The following TRAPPC3 variants were observed in gnomAD, a reference collection of about 807,000 sequenced individuals.
TRAPPC3 encodes trafficking protein particle complex subunit 3.
TRAPPC3 carries 5 observed loss-of-function variants against 18.2 expected under a neutral mutation model. That is an observed-to-expected ratio of 0.28 (90% CI 0.14 to 0.58). The LOEUF (loss-of-function observed/expected upper bound fraction) is 0.58, where lower values mean the gene tolerates loss of function less well. Among genes scored for constraint, TRAPPC3 ranks in the 20% least tolerant of loss-of-function variants. The pLI, the probability that TRAPPC3 is intolerant of heterozygous loss-of-function variation, is 0.91. For missense variants in TRAPPC3, 176 were observed against 225.9 expected, an observed-to-expected ratio of 0.78 and a Z score of 1.41; for synonymous variants, 65 against 84.2, an observed-to-expected ratio of 0.77 and a Z score of 1.25.
In TRAPPC3 at chr1:36,149,413, G is replaced by C. The variant is rs1319483933; in HGVS notation, c.-35C>G. ...CGCCCCGCCCCACTCGCCTAGCCAC[G>C]GGTTAGCTCGGCGACCCCTGCAGAC... On this transcript the variant is annotated 5_prime_UTR_variant, in exon 1 of 5. Coordinates refer to ENST00000373166, the MANE Select transcript of TRAPPC3 (RefSeq NM_014408.5). 3 of 1,610,212 alleles carry C rather than the reference G, an allele frequency of 1.9e-6. No homozygotes were observed. The highest frequency in any genetic ancestry group is 2.5e-6 in the Non-Finnish European group (3 of 1,179,104).
In TRAPPC3 at chr1:36,136,870, T is replaced by A. The variant is rs1423860384; in HGVS notation, c.*333A>T. The A allele has an allele frequency of 1.7e-5, 3 of 180,458 alleles. No individual in the cohort carries two copies. Among genetic ancestry groups the A allele is most frequent in the South Asian group, 1.3e-4 (1 of 7,912 alleles). 11.2% of individuals were successfully genotyped at this position (180,458 alleles called of 1,614,324 possible). On this transcript the variant is annotated 3_prime_UTR_variant, in exon 5 of 5. Transcript: ENST00000373166. ...AGGCCCAGGGATAGATGTGCCAGGC[T>A]TGCCTCTTAATGGGGTCAAAGTGAG...
upstream of TRAPPC3, among the ~76,000 whole-genome samples, chr1:36,153,798 TC>T (rs1034476765): frequency 6.6e-6 from 1 of 152,126 alleles, no homozygotes; most frequent in Non-Finnish European, 1.5e-5. Flanking sequence ...TTTAGTGAGC[TC>T]CCCACAGTCA....
chr1:36,147,432 G>A (rs1490837185), intron 1 of TRAPPC3, among the ~76,000 whole-genome samples: 4 of 150,644 alleles, frequency 2.7e-5, no homozygotes, highest in African/African-American at 9.8e-5. Context: ...CCAGGAGTTC[G>A]AGACCTCGAG....
At chr1:36,146,294 G>T (rs1299141449) in intron 1 of TRAPPC3, among the ~76,000 whole-genome samples, 2 of 121,348 alleles carry the variant, frequency 1.6e-5, no homozygotes, top group African/African-American at 5.5e-5. Flanking sequence ...GGCCAGGATG[G>T]TCTCTCTTTT....
chr1:36,150,100 C>T (rs1395503559), upstream of TRAPPC3, among the ~76,000 whole-genome samples: 1 of 152,164 alleles, frequency 6.6e-6, no homozygotes, highest in Non-Finnish European at 1.5e-5. Context: ...CCCCTCCCTC[C>T]CCCTAGAACA....
At chr1:36,152,206 C>T (rs1319703705), upstream of TRAPPC3, among the ~76,000 whole-genome samples, 1 of 152,170 alleles carries the variant, frequency 6.6e-6, no homozygotes, top group Non-Finnish European at 1.5e-5. Context: ...TCAGGTTCAT[C>T]CTGGATCCTG....
In TRAPPC3 at chr1:36,149,413, G is replaced by A; in HGVS notation, c.-35C>T. 7.5e-6 allele frequency: 12 copies of A among 1,610,330 alleles called. No individual in the cohort carries two copies. The highest frequency in any genetic ancestry group is 1.1e-5 in the South Asian group (1 of 90,802). On this transcript the variant is annotated 5_prime_UTR_variant, in exon 1 of 5. Transcript: ENST00000373166. ...CGCCCCGCCCCACTCGCCTAGCCAC[G>A]GGTTAGCTCGGCGACCCCTGCAGAC...
At chr1:36,143,027 G>T (rs1401772715) in intron 1 of TRAPPC3, among the ~76,000 whole-genome samples, 1 of 152,106 alleles carries the variant, frequency 6.6e-6, no homozygotes, top group Admixed American at 6.6e-5. Flanking sequence ...GTGAGACTCT[G>T]TCTCAAAAAA....
At chr1:36,144,283 T>G (rs1210272745) in intron 1 of TRAPPC3, among the ~76,000 whole-genome samples, 1 of 21,376 alleles carries the variant, frequency 4.7e-5, no homozygotes, top group Admixed American at 8.6e-4. Context: ...AGCGAAACCC[T>G]GTCTCCAAAA....
chr1:36,144,960 G>A (rs1644169825), intron 1 of TRAPPC3, among the ~76,000 whole-genome samples: 1 of 152,158 alleles, frequency 6.6e-6, no homozygotes, highest in Non-Finnish European at 1.5e-5. Flanking sequence ...CAGTTTTCAG[G>A]AGGCCTTTCT....
Position 36,137,278 on chromosome 1 carries a change from T to C in TRAPPC3, c.468A>G (p.Lys156=). 1 of 1,613,344 alleles carries C rather than the reference T, an allele frequency of 6.2e-7. No individual in the cohort carries two copies. The highest frequency in any genetic ancestry group is 8.5e-7 in the Non-Finnish European group (1 of 1,179,332). ...TCCGGATTTCTGTCACACCGTCTCC[T>C]TTCAGGGTGTCCTGGACAAACTTGG... ...VEAKFVQDTL[K]GDGVTEIRMR... Residue 156 remains lysine, a synonymous_variant, in exon 5 of 5, where the codon AAA becomes AAG. Coordinates refer to ENST00000373166, the MANE Select transcript of TRAPPC3 (RefSeq NM_014408.5).
intron 1 of TRAPPC3, among the ~76,000 whole-genome samples, chr1:36,146,655 C>A (rs1644206040): frequency 6.6e-6 from 1 of 151,156 alleles, no homozygotes; most frequent in African/African-American, 2.4e-5. Flanking sequence ...ACAAACTTGC[C>A]CAAGGTAACA....
intron 3 of TRAPPC3, among the ~76,000 whole-genome samples, chr1:36,139,223 A>T: frequency 7.9e-6 from 1 of 126,456 alleles, no homozygotes; most frequent in Admixed American, 9.5e-5. Context: ...CAGTGATGTG[A>T]TCTCGGCTCA....
chr1:36,147,051 CA>C (rs1460958504), intron 1 of TRAPPC3, among the ~76,000 whole-genome samples: 1 of 152,090 alleles, frequency 6.6e-6, no homozygotes, highest in Non-Finnish European at 1.5e-5. Context: ...TTTGGTGCTT[CA>C]AGAAACAAAA....
chr1:36,137,540 A>AGAC (rs2124136999), intron 4 of TRAPPC3: 2 of 633,204 alleles, frequency 3.2e-6, no homozygotes, highest in South Asian at 4.2e-5. Context: ...TGAGACTGTC[A>AGAC]CCAAATAAGC....
chr1:36,138,203 GT>G, intron 3 of TRAPPC3: 1 of 1,548,344 alleles, frequency 6.5e-7, no homozygotes, highest in Non-Finnish European at 8.7e-7. Flanking sequence ...GCTTTGTTTT[GT>G]TTTGTTTTCC....
upstream of TRAPPC3, among the ~76,000 whole-genome samples, chr1:36,151,515 G>T (rs79032399): frequency 3.4e-3 from 511 of 152,264 alleles, 2 homozygotes; most frequent in African/African-American, 0.012. Context: ...GAAGGTTAAG[G>T]TGGGAAGATT....
upstream of TRAPPC3, among the ~76,000 whole-genome samples, chr1:36,150,792 G>T (rs1032145509): frequency 3.3e-5 from 5 of 152,246 alleles, no homozygotes; most frequent in African/African-American, 7.2e-5. Flanking sequence ...GAACTTGAGG[G>T]TTGGTTGGGG....
intron 1 of TRAPPC3, among the ~76,000 whole-genome samples, chr1:36,142,414 T>C (rs910663694): frequency 1.3e-5 from 2 of 152,152 alleles, no homozygotes; most frequent in Non-Finnish European, 2.9e-5. Context: ...GAGCTTTCAT[T>C]CCATTATTAA....
Sources: gnomAD v4.1 joint callset for allele counts (sites outside exome capture counted in the v4.1 genomes callset) on GRCh38, gnomAD v4.1.1 for gene constraint, MANE v1.5 for transcripts, NCBI Gene and HGNC (gene_info 2026-07-23, HGNC 2026-07-21) for gene names.